The following CRY1 variants were observed in gnomAD, a reference collection of about 807,000 sequenced individuals.
The protein encoded by CRY1 is cryptochrome circadian regulator 1.
CRY1 carries 45 observed loss-of-function variants against 76.0 expected under a neutral mutation model. The observed-to-expected ratio is 0.59, with a 90% CI of 0.47 to 0.76. CRY1 has a LOEUF of 0.76. Ranked by LOEUF, CRY1 falls within the 30% of genes least tolerant of loss-of-function variation. CRY1 has a pLI of 0.00. For missense variants in CRY1, 587 were observed against 716.4 expected (o/e 0.82, Z 2.06); for synonymous variants, 248 against 244.0 (o/e 1.02, Z -0.15).
At chr12:107,070,236 T>C (rs1254790332) in intron 1 of CRY1, among the ~76,000 whole-genome samples, 1 of 152,172 alleles carries the variant, frequency 6.6e-6, no homozygotes, top group East Asian at 1.9e-4. Flanking sequence ...GTAGCTATCA[T>C]TAAGATAACA....
intron 1 of CRY1, among the ~76,000 whole-genome samples, chr12:107,073,729 T>C (rs1361179292): frequency 6.6e-6 from 1 of 151,996 alleles, no homozygotes; most frequent in African/African-American, 2.4e-5. Flanking sequence ...ACAGAGTCCG[T>C]TTCAAAAAAA....
chr12:107,018,084 C>A (rs1203082966), intron 2 of CRY1, among the ~76,000 whole-genome samples: 3 of 152,232 alleles, frequency 2.0e-5, no homozygotes, highest in African/African-American at 7.2e-5. Flanking sequence ...GGCACTCAAT[C>A]AGTATCTGTT....
chr12:107,077,684 G>A (rs1189257220), intron 1 of CRY1, among the ~76,000 whole-genome samples: 1 of 151,982 alleles, frequency 6.6e-6, no homozygotes, highest in Non-Finnish European at 1.5e-5. Context: ...AATACACTAT[G>A]CTCAGTCTTG....
intron 12 of CRY1, 118 bp downstream of exon 12, chr12:106,992,669 T>C: frequency 1.1e-6 from 1 of 933,742 alleles, no homozygotes; most frequent in Non-Finnish European, 1.6e-6. Context: ...TGCTTAAAAA[T>C]TAATGCCTCA....
chr12:107,012,540 G>T (rs1248407708), intron 2 of CRY1, among the ~76,000 whole-genome samples: 1 of 152,210 alleles, frequency 6.6e-6, no homozygotes, highest in Non-Finnish European at 1.5e-5. Flanking sequence ...TTATTAGGGA[G>T]ATTAACATTG....
intron 10 of CRY1, among the ~76,000 whole-genome samples, chr12:106,996,379 C>T (rs770720739): frequency 7.2e-5 from 11 of 152,198 alleles, no homozygotes; most frequent in Non-Finnish European, 1.0e-4. Flanking sequence ...CATCGACTGG[C>T]ATTTAGGTTG....
At position 106,997,511 on chromosome 12, in the gene CRY1, T is replaced by C; in HGVS notation, c.1469A>G (p.Gln490Arg). ...ACCTAGTCCTCTATATCGTGAAAGCTGCTGATAGATCTGTTTCATCCTTTC... is the reference window on the plus strand; with the variant it reads ...ACCTAGTCCTCTATATCGTGAAAGCCGCTGATAGATCTGTTTCATCCTTTC... ...NIERMKQIYQQLSRYRGLGLL... is the reference protein window; with the variant it reads ...NIERMKQIYQRLSRYRGLGLL... The change falls in exon 9 of 13, where the codon CAG becomes CGG. Residue 490 changes from glutamine (Q) to arginine (R), a missense_variant. Physicochemically the swap from Gln to Arg is conservative, Grantham distance 43. Transcript: ENST00000008527. 5 of 1,614,038 alleles carry C rather than the reference T, an allele frequency of 3.1e-6. No individual in the cohort carries two copies. The highest frequency in any genetic ancestry group is 4.2e-6 in the Non-Finnish European group (5 of 1,179,990).
rs1290658473 is a variant in CRY1 at position 107,093,142 on chromosome 12, C to T, written c.-181G>A. On this transcript the variant is annotated 5_prime_UTR_variant, in exon 1 of 13. Coordinates refer to ENST00000008527, the MANE Select transcript of CRY1 (RefSeq NM_004075.5). ...GGAGAAGGCGGGGGCGCCGGAGGCGCAGTGGAAAGATGAATGGAGGTTGCC... is the reference window on the plus strand; with the variant it reads ...GGAGAAGGCGGGGGCGCCGGAGGCGTAGTGGAAAGATGAATGGAGGTTGCC... 3 of 695,522 alleles carry T rather than the reference C, an allele frequency of 4.3e-6. No homozygotes were observed. The highest frequency in any genetic ancestry group is 6.7e-6 in the Non-Finnish European group (3 of 444,518). The allele number at this position is 695,522 out of a possible 1,614,324, so 43.1% of individuals were successfully genotyped here. A position where few individuals can be genotyped will look rare whatever the true frequency, so the allele number is the denominator to read the frequency against.
intron 1 of CRY1, among the ~76,000 whole-genome samples, chr12:107,032,892 A>C (rs1315345632): frequency 6.6e-6 from 1 of 152,218 alleles, no homozygotes; most frequent in Non-Finnish European, 1.5e-5. Flanking sequence ...ATCCTTAAAA[A>C]CTAAAAAGAA....
intron 1 of CRY1, among the ~76,000 whole-genome samples, chr12:107,028,471 T>C (rs926334586): frequency 2.0e-5 from 3 of 152,152 alleles, no homozygotes; most frequent in African/African-American, 4.8e-5. Flanking sequence ...TAGACCTATA[T>C]CACTTTTTAT....
chr12:107,062,580 T>C (rs1180463135), intron 1 of CRY1, among the ~76,000 whole-genome samples: 2 of 152,202 alleles, frequency 1.3e-5, no homozygotes, highest in East Asian at 3.8e-4. Context: ...TTTCTTCTCC[T>C]GGTTTTTCTG....
intron 1 of CRY1, among the ~76,000 whole-genome samples, chr12:107,081,276 T>C (rs1156470960): frequency 1.3e-5 from 2 of 152,202 alleles, no homozygotes; most frequent in Non-Finnish European, 1.5e-5. Context: ...GAGTTTAAGA[T>C]AGACATTAAC....
At chr12:107,010,956 A>G (rs375364118) in intron 2 of CRY1, among the ~76,000 whole-genome samples, 12 of 152,282 alleles carry the variant, frequency 7.9e-5, no homozygotes, top group African/African-American at 2.9e-4. Context: ...TAACCCTACA[A>G]TGGTCTCTAA....
At chr12:107,078,014 CG>C (rs1387958486) in intron 1 of CRY1, among the ~76,000 whole-genome samples, 3 of 152,044 alleles carry the variant, frequency 2.0e-5, no homozygotes, top group Non-Finnish European at 4.4e-5. Flanking sequence ...AAAAAATTTA[CG>C]TAATTCATTG....
chr12:107,022,232 C>T, intron 1 of CRY1, 40 bp from the exon 2 acceptor site: 1 of 1,234,392 alleles, frequency 8.1e-7, no homozygotes, highest in Non-Finnish European at 1.1e-6. Flanking sequence ...TTAAAAAATA[C>T]ATATTTAGAA....
rs1441308338 is a variant in CRY1, at chr12:107,025,377, G to C, written c.159-3185C>G. Among the ~76,000 whole-genome samples the C allele has an allele frequency of 2.0e-5, 3 of 152,122 alleles. No homozygotes were observed. The East Asian group carries it at 5.8e-4, about 29-fold the overall frequency. On this transcript the variant is annotated intron_variant, in intron 1 of 12. Coordinates refer to ENST00000008527, the MANE Select transcript of CRY1 (RefSeq NM_004075.5). ...TAGTTTCATAGTACTTCATTGCACA[G>C]ATGTCCTATAATTTAACAAGTCTAT...
chr12:107,073,479 C>T (rs546106734), intron 1 of CRY1, among the ~76,000 whole-genome samples: 6 of 152,340 alleles, frequency 3.9e-5, no homozygotes, highest in African/African-American at 1.4e-4. Context: ...GTAATCCCAG[C>T]ACTTTGGGAG....
At chr12:107,005,033 C>T (rs1323402927) in intron 3 of CRY1, 73 bp downstream of exon 3, 4 of 1,450,344 alleles carry the variant, frequency 2.8e-6, no homozygotes, top group Non-Finnish European at 3.7e-6. Context: ...GAACTATATA[C>T]TTAAAAATGG....
intron 1 of CRY1, among the ~76,000 whole-genome samples, chr12:107,062,041 A>AG (rs796370449): frequency 1.4e-5 from 2 of 138,472 alleles, no homozygotes; most frequent in African/African-American, 2.6e-5. Context: ...AAAAAAAAAA[A>AG]AAAGAAAAAA....
Sources: allele counts gnomAD v4.1 joint callset (sites outside exome capture counted in the v4.1 genomes callset), GRCh38; gene constraint gnomAD v4.1.1; transcripts MANE v1.5; gene names NCBI Gene and HGNC (gene_info 2026-07-23, HGNC 2026-07-21).